MAPKAP1: variants seen among roughly 807,000 people sequenced by gnomAD.
The protein encoded by MAPKAP1 is target of rapamycin complex 2 subunit MAPKAP1.
A neutral mutation model predicts 65.7 loss-of-function variants in MAPKAP1; 20 were observed. That is an observed-to-expected ratio of 0.30 (90% CI 0.21 to 0.44). MAPKAP1 has a LOEUF of 0.44. MAPKAP1 is among the 20% of genes least tolerant of loss of function. The pLI, the probability that MAPKAP1 is intolerant of heterozygous loss-of-function variation, is 1.00. For missense variants in MAPKAP1, 423 were observed against 648.0 expected (o/e 0.65, Z 3.77); for synonymous variants, 222 against 244.3 (o/e 0.91, Z 0.85).
chr9:125,628,836 C>T (rs1258381945), intron 4 of MAPKAP1, among the ~76,000 whole-genome samples: 1 of 151,418 alleles, frequency 6.6e-6, no homozygotes, highest in African/African-American at 2.4e-5. Context: ...GGTCATGTAT[C>T]TAACCAGAAT....
chr9:125,444,491 G>C lies in MAPKAP1; in HGVS notation c.1443+10C>G. ...CCTACCCTGTCTCTGGTTCAAGAAGGAATACTCACCTTGAGCACAATTTCA... is the reference window on the plus strand; with the variant it reads ...CCTACCCTGTCTCTGGTTCAAGAAGCAATACTCACCTTGAGCACAATTTCA... On this transcript the variant is annotated intron_variant, in intron 11 of 11. Transcript: ENST00000265960. 1 of 1,601,856 alleles carries C rather than the reference G, an allele frequency of 6.2e-7. No individual in the cohort carries two copies. The highest frequency in any genetic ancestry group is 8.5e-7 in the Non-Finnish European group (1 of 1,170,238).
At chr9:125,487,041 G>C (rs1854519329) in intron 8 of MAPKAP1, among the ~76,000 whole-genome samples, 1 of 152,184 alleles carries the variant, frequency 6.6e-6, no homozygotes, top group South Asian at 2.1e-4. Flanking sequence ...GACACTGCCA[G>C]TGCTACCACT....
intron 5 of MAPKAP1, among the ~76,000 whole-genome samples, chr9:125,583,797 C>T (rs1831695019): frequency 6.6e-6 from 1 of 152,226 alleles, no homozygotes; most frequent in Admixed American, 6.5e-5. Context: ...GGTGCAGTGG[C>T]TCACGCCTGT....
At chr9:125,645,713 C>T (rs1427993812) in intron 4 of MAPKAP1, among the ~76,000 whole-genome samples, 1 of 132,660 alleles carries the variant, frequency 7.5e-6, no homozygotes. Flanking sequence ...CTCCGGCCTG[C>T]GTGATGGAGC....
intron 4 of MAPKAP1, among the ~76,000 whole-genome samples, chr9:125,648,509 T>C (rs1317154077): frequency 2.0e-5 from 3 of 152,200 alleles, no homozygotes; most frequent in Non-Finnish European, 4.4e-5. Flanking sequence ...GAGAGATTAC[T>C]TGTCCTACAT....
At position 125,665,655 on chromosome 9, in the gene MAPKAP1, A is replaced by AC. The variant is rs1185706499; in HGVS notation, c.349+4162_349+4163insG. Among the ~76,000 whole-genome samples, 3 of 152,314 alleles carry AC rather than the reference A, an allele frequency of 2.0e-5. No individual in the cohort carries two copies. The East Asian group carries it at 5.8e-4, about 29-fold the overall frequency. The stretch of plus-strand genomic sequence containing the variant: ...AACAAAAAACAAAAAACAAAAAAAA[A>AC]ACATAACTTTGTGGGCCCCAACCCC... On this transcript the variant is annotated intron_variant, in intron 3 of 11. Coordinates refer to ENST00000265960, the MANE Select transcript of MAPKAP1 (RefSeq NM_001006617.3).
chr9:125,478,692 C>T (rs760281076), intron 9 of MAPKAP1, among the ~76,000 whole-genome samples: 3 of 152,080 alleles, frequency 2.0e-5, no homozygotes, highest in African/African-American at 4.8e-5. Context: ...TTGGGTCTGG[C>T]GTATGGGACT....
intron 3 of MAPKAP1, among the ~76,000 whole-genome samples, 192 bp from the exon 4 acceptor site, chr9:125,657,991 T>C (rs944193166): frequency 8.6e-5 from 13 of 151,998 alleles, no homozygotes; most frequent in Admixed American, 5.2e-4. Context: ...CAGGCCAGGA[T>C]AGTCAATTTG....
intron 7 of MAPKAP1, among the ~76,000 whole-genome samples, chr9:125,511,650 T>C (rs1002598651): frequency 8.5e-5 from 13 of 152,198 alleles, no homozygotes; most frequent in African/African-American, 2.4e-4. Flanking sequence ...CAAAAGCCAT[T>C]TCAAAAAGAC....
intron 7 of MAPKAP1, among the ~76,000 whole-genome samples, chr9:125,507,778 C>T (rs1829185739): frequency 6.6e-6 from 1 of 152,218 alleles, no homozygotes; most frequent in Admixed American, 6.5e-5. Context: ...GAAGCCTACA[C>T]AGTTCTTTTA....
At chr9:125,532,048 A>G (rs1829948687) in intron 7 of MAPKAP1, among the ~76,000 whole-genome samples, 1 of 152,188 alleles carries the variant, frequency 6.6e-6, no homozygotes, top group Non-Finnish European at 1.5e-5. Context: ...GCTTTACTCC[A>G]GAAAGTTCCC....
intron 4 of MAPKAP1, among the ~76,000 whole-genome samples, chr9:125,613,608 C>A (rs1261548789): frequency 1.3e-5 from 2 of 152,152 alleles, no homozygotes; most frequent in East Asian, 3.9e-4. Context: ...CTTTTCCACA[C>A]AGATGCTAAT....
chr9:125,585,098 T>C (rs140389029), intron 5 of MAPKAP1, among the ~76,000 whole-genome samples: 13 of 152,278 alleles, frequency 8.5e-5, no homozygotes, highest in African/African-American at 3.1e-4. Flanking sequence ...CATCTCTCAC[T>C]GTGCAACCTT....
intron 1 of MAPKAP1, among the ~76,000 whole-genome samples, chr9:125,694,114 A>G (rs1337245308): frequency 1.3e-5 from 2 of 152,002 alleles, no homozygotes; most frequent in Non-Finnish European, 2.9e-5. Flanking sequence ...AGATCACCTG[A>G]GGTCAGGAGT....
chr9:125,480,711 G>A (rs1013629670), intron 9 of MAPKAP1, among the ~76,000 whole-genome samples: 4 of 151,184 alleles, frequency 2.6e-5, no homozygotes, highest in Non-Finnish European at 4.4e-5. Context: ...GGTGGCTCAC[G>A]CCTGTAATCC....
At position 125,678,754 on chromosome 9, in the gene MAPKAP1, T is replaced by C. The variant is rs577618880; in HGVS notation, c.-69-6111A>G. ...ATGTTCTAAACATGGGAATAATTTT[T>C]ACTAGGTTTTGATGGGCATCACGTC... On this transcript the variant is annotated intron_variant, in intron 1 of 11. Coordinates refer to ENST00000265960, the MANE Select transcript of MAPKAP1 (RefSeq NM_001006617.3). Among the ~76,000 whole-genome samples the C allele has an allele frequency of 3.9e-5, 6 of 152,288 alleles. No individual in the cohort carries two copies. In the South Asian group the frequency reaches 6.2e-4, roughly 16 times the overall value.
rs187657048 is a variant in MAPKAP1 at position 125,581,860 on chromosome 9, T to A, written c.671+3695A>T. On this transcript the variant is annotated intron_variant, in intron 5 of 11. Coordinates refer to ENST00000265960, the MANE Select transcript of MAPKAP1 (RefSeq NM_001006617.3). ...ATTTGTTTAAAAAAAAAAAGTCTCT[T>A]CTTCCGCCATTTAATTTGCATGTGT... Among the ~76,000 whole-genome samples, 1,316 of 152,314 alleles carry A rather than the reference T, an allele frequency of 8.6e-3. 9 individuals are homozygous for A. The highest frequency in any genetic ancestry group is 0.015 in the Non-Finnish European group (1,010 of 68,014).
intron 7 of MAPKAP1, among the ~76,000 whole-genome samples, chr9:125,507,476 T>A (rs749705336): frequency 6.6e-6 from 1 of 152,228 alleles, no homozygotes; most frequent in Non-Finnish European, 1.5e-5. Context: ...TCAGCTGCTG[T>A]CAACTTGTGG....
At chr9:125,608,626 C>T (rs1832507877) in intron 4 of MAPKAP1, among the ~76,000 whole-genome samples, 1 of 152,222 alleles carries the variant, frequency 6.6e-6, no homozygotes, top group Non-Finnish European at 1.5e-5. Flanking sequence ...CCAGACAGCA[C>T]CTGATAAAGC....
Sources: gnomAD v4.1 joint callset for allele counts (sites outside exome capture counted in the v4.1 genomes callset) on GRCh38, gnomAD v4.1.1 for gene constraint, MANE v1.5 for transcripts, NCBI Gene and HGNC (gene_info 2026-07-23, HGNC 2026-07-21) for gene names.